The following CRTC1 variants were observed in gnomAD, a reference collection of about 807,000 sequenced individuals.
The protein encoded by CRTC1 is CREB-regulated transcription coactivator 1.
Under a neutral mutation model 66.1 loss-of-function variants are expected in CRTC1, and 18 were observed. The ratio of observed to expected loss-of-function variants is 0.27; its 90% confidence interval spans 0.19 to 0.40. CRTC1 has a LOEUF of 0.40. CRTC1 is among the 10% of genes least tolerant of loss of function. CRTC1 has a pLI of 1.00. For missense variants in CRTC1, 669 were observed against 887.9 expected, an observed-to-expected ratio of 0.75 and a Z score of 3.13; for synonymous variants, 416 against 398.8, an observed-to-expected ratio of 1.04 and a Z score of -0.51.
chr19:18,696,112 T>C (rs951210831), intron 1 of CRTC1, among the ~76,000 whole-genome samples: 11 of 151,942 alleles, frequency 7.2e-5, no homozygotes, highest in Non-Finnish European at 1.0e-4. Context: ...GTTTACAGAG[T>C]GGGAGACAGG....
rs990429095 is a variant in CRTC1 at position 18,781,260 on chromosome 19, G to A, written c.*3878G>A. 3.9e-5 allele frequency: 9 copies of A among 227,918 alleles called. No homozygotes were observed. Among genetic ancestry groups the A allele is most frequent in the Non-Finnish European group, 7.8e-5 (9 of 114,828 alleles). 14.1% of individuals were successfully genotyped at this position (227,918 alleles called of 1,614,324 possible). A position where few individuals can be genotyped will look rare whatever the true frequency, so the allele number is the denominator to read the frequency against. ...AGAGCCTTCCCTACACAGCCTAAGA[G>A]CAGGGGCAAGACTCGGCCCCTCACT... On this transcript the variant is annotated 3_prime_UTR_variant, in exon 14 of 14. Transcript: ENST00000321949.
Position 18,777,322 on chromosome 19 carries a change from C to A in CRTC1, c.1845C>A (p.Asp615Glu), listed in dbSNP as rs1353210316. Residue 615 changes from aspartate (D) to glutamate (E), a missense_variant, in exon 14 of 14, where the codon GAC (aspartate) becomes GAA (glutamate). Asp to Glu is a conservative substitution (Grantham distance 45, BLOSUM62 2). Transcript: ENST00000321949. The surrounding 1 kb of genome is among the most constrained non-coding windows in gnomAD (Gnocchi z 5.5). ...TCGACGGACTGCACATGCTCAACGA[C>A]CCCGACATGGTTCTGGCCGACCCAG... ...LTLDGLHMLN[D>E]PDMVLADPAT... The A allele has an allele frequency of 6.2e-7, 1 of 1,610,926 alleles. No homozygotes were observed.
chr19:18,723,196 C>T (rs1045788053), intron 1 of CRTC1, among the ~76,000 whole-genome samples: 4 of 152,228 alleles, frequency 2.6e-5, no homozygotes, highest in African/African-American at 9.6e-5. Context: ...CTGCCACAGC[C>T]TCCCAAAGTG....
At chr19:18,754,276 C>T (rs1052488385) in intron 6 of CRTC1, among the ~76,000 whole-genome samples, 2 of 152,124 alleles carry the variant, frequency 1.3e-5, no homozygotes, top group Non-Finnish European at 2.9e-5. Flanking sequence ...CCAGCACTTT[C>T]GGAGGAGGCT....
At chr19:18,748,568 C>G (rs1292209246) in intron 4 of CRTC1, among the ~76,000 whole-genome samples, 1 of 146,974 alleles carries the variant, frequency 6.8e-6, no homozygotes, top group Non-Finnish European at 1.5e-5. Flanking sequence ...GGCACAGTGG[C>G]TCACACCTGT....
intron 1 of CRTC1, among the ~76,000 whole-genome samples, chr19:18,703,706 G>A (rs112074615): frequency 1.1e-3 from 166 of 152,058 alleles, no homozygotes; most frequent in African/African-American, 3.8e-3. Context: ...CAGATGATTC[G>A]CTTGCCTTGG....
In CRTC1 at chr19:18,772,222, G is replaced by C. The variant is rs1455360580; in HGVS notation, c.1425+676G>C. Among the ~76,000 whole-genome samples, 3 of 152,118 alleles carry C rather than the reference G, an allele frequency of 2.0e-5. No homozygotes were observed. In the East Asian group the frequency reaches 5.8e-4, roughly 29 times the overall value. Reference sequence around the variant, plus strand: ...GTTCCTCGGAATGCCCCTTCGTTCTGCCTGGCCAGTGGAAGCGGCCAGCCT... The same window carrying C: ...GTTCCTCGGAATGCCCCTTCGTTCTCCCTGGCCAGTGGAAGCGGCCAGCCT... On this transcript the variant is annotated intron_variant, in intron 11 of 13. Transcript: ENST00000321949.
intron 2 of CRTC1, among the ~76,000 whole-genome samples, 196 bp downstream of exon 2, chr19:18,743,222 C>T (rs1398560782): frequency 6.6e-6 from 1 of 152,274 alleles, no homozygotes; most frequent in Non-Finnish European, 1.5e-5. Flanking sequence ...GCCCATTCCC[C>T]ATCAGCAGAC....
At position 18,771,180 on chromosome 19, in the gene CRTC1, G is replaced by A. The variant is rs533581504; in HGVS notation, c.1321-262G>A. ...GGGCCAACCCTCTGATCACCCTCCT[G>A]TAGCTCCAAGAAGGAGGGCAGTTAT... is the stretch of plus-strand genomic sequence containing the variant. On this transcript the variant is annotated intron_variant, in intron 10 of 13. Transcript: ENST00000321949. This position sits in a 1 kb window ranked among gnomAD's most constrained non-coding sequence, Gnocchi z 4.6. Among the ~76,000 whole-genome samples, 1 of 152,258 alleles carries A rather than the reference G, an allele frequency of 6.6e-6. No individual in the cohort carries two copies. The highest frequency in any genetic ancestry group is 1.5e-5 in the Non-Finnish European group (1 of 67,996).
chr19:18,772,136 C>A (rs2054883616), intron 11 of CRTC1, among the ~76,000 whole-genome samples: 1 of 152,152 alleles, frequency 6.6e-6, no homozygotes, highest in African/African-American at 2.4e-5. Context: ...CTGGGTTTTC[C>A]TGTTGCACCC....
chr19:18,737,320 T>C (rs994171612), intron 1 of CRTC1, among the ~76,000 whole-genome samples: 2 of 152,060 alleles, frequency 1.3e-5, no homozygotes, highest in African/African-American at 4.8e-5. Context: ...CGGGGGTCCC[T>C]GCGGTCAGCT....
chr19:18,777,443 G>T lies in CRTC1; in HGVS notation c.*61G>T. ...GACGGCGCCTCCCCAGCCCGGGGAC[G>T]GCCGTGCTCCGTCCCTCGCCAACGG... On this transcript the variant is annotated 3_prime_UTR_variant, in exon 14 of 14. Transcript: ENST00000321949. The surrounding 1 kb of genome is among the most constrained non-coding windows in gnomAD (Gnocchi z 5.5). 1 of 1,471,422 alleles carries T rather than the reference G, an allele frequency of 6.8e-7. No homozygotes were observed. The highest frequency in any genetic ancestry group is 9.4e-7 in the Non-Finnish European group (1 of 1,065,058). The allele number at this position is 1,471,422 out of a possible 1,614,324, so 91.1% of individuals were successfully genotyped here.
intron 1 of CRTC1, among the ~76,000 whole-genome samples, chr19:18,719,765 G>A (rs1241196229): frequency 2.0e-5 from 3 of 152,238 alleles, no homozygotes; most frequent in Admixed American, 6.5e-5. Context: ...GCCTGCGGGC[G>A]GCTGACCCGG....
chr19:18,691,697 T>G (rs1416380569), intron 1 of CRTC1, among the ~76,000 whole-genome samples: 4 of 151,544 alleles, frequency 2.6e-5, no homozygotes, highest in Non-Finnish European at 5.9e-5. Context: ...GGAGGAAGCA[T>G]GGGCCTGCCG....
chr19:18,764,135 C>T (rs988965938), intron 8 of CRTC1, among the ~76,000 whole-genome samples: 1 of 152,216 alleles, frequency 6.6e-6, no homozygotes, highest in Non-Finnish European at 1.5e-5. Context: ...GCCCTGGGCA[C>T]GGACAAGGCT....
intron 5 of CRTC1, 67 bp from the exon 6 acceptor site, chr19:18,753,433 G>A (rs762163960): frequency 3.3e-5 from 39 of 1,183,230 alleles, no homozygotes; most frequent in Non-Finnish European, 4.5e-5. Context: ...GTGTCCTCCT[G>A]GTACCACCAT....
Position 18,771,664 on chromosome 19 carries a change from A to G in CRTC1, c.1425+118A>G, listed in dbSNP as rs2054872232. 4 of 783,600 alleles carry G rather than the reference A, an allele frequency of 5.1e-6. No individual in the cohort carries two copies. The highest frequency in any genetic ancestry group is 2.4e-4 in the Middle Eastern group (1 of 4,252). 48.5% of individuals were successfully genotyped at this position (783,600 alleles called of 1,614,324 possible). ...TCGCTCCTCATGCATGTCCTCATGC[A>G]TCCCATCCCGTCCACGCCATCGGAC... On this transcript the variant is annotated intron_variant, in intron 11 of 13. Transcript: ENST00000321949. This position sits in a 1 kb window ranked among gnomAD's most constrained non-coding sequence, Gnocchi z 4.6.
chr19:18,718,806 C>T (rs1377366662), intron 1 of CRTC1, among the ~76,000 whole-genome samples: 1 of 152,140 alleles, frequency 6.6e-6, no homozygotes, highest in Non-Finnish European at 1.5e-5. Context: ...GGGCATCCGT[C>T]CAGGAGTGGG....
rs531785433 is a variant in CRTC1 at position 18,771,584 on chromosome 19, A to G, written c.1425+38A>G. 1 of 1,511,864 alleles carries G rather than the reference A, an allele frequency of 6.6e-7. No homozygotes were observed. Among genetic ancestry groups the G allele is most frequent in the East Asian group, 2.3e-5 (1 of 42,590 alleles). 93.7% of individuals were successfully genotyped at this position (1,511,864 alleles called of 1,614,324 possible). A position where few individuals can be genotyped will look rare whatever the true frequency, so the allele number is the denominator to read the frequency against. On this transcript the variant is annotated intron_variant, in intron 11 of 13. Coordinates refer to ENST00000321949, the MANE Select transcript of CRTC1 (RefSeq NM_015321.3). This position sits in a 1 kb window ranked among gnomAD's most constrained non-coding sequence, Gnocchi z 4.6. ...GCCTCCCCCTTGGCCTGTGGGCTCCACGCTTGTCTTGTTCATGCCCCGTGT... is the reference window on the plus strand; with the variant it reads ...GCCTCCCCCTTGGCCTGTGGGCTCCGCGCTTGTCTTGTTCATGCCCCGTGT...
Sources: gnomAD v4.1 joint callset for allele counts (sites outside exome capture counted in the v4.1 genomes callset) on GRCh38, gnomAD v4.1.1 for gene constraint, Gnocchi (gnomAD v3.1) non-coding constraint, MANE v1.5 for transcripts, NCBI Gene and HGNC (gene_info 2026-07-23, HGNC 2026-07-21) for gene names.